CCBE1: variants seen among roughly 807,000 people sequenced by gnomAD.
CCBE1 encodes the protein collagen and calcium-binding EGF domain-containing protein 1.
A neutral mutation model predicts 50.0 loss-of-function variants in CCBE1; 37 were observed. The observed-to-expected ratio is 0.74, with a 90% CI of 0.57 to 0.97. CCBE1 has a LOEUF of 0.97. CCBE1 is among the 50% of genes least tolerant of loss of function. CCBE1 has a pLI of 0.00. For synonymous variants in CCBE1, 234 were observed against 203.7 expected, an observed-to-expected ratio of 1.15 and a Z score of -1.27; for missense variants, 538 against 523.8, an observed-to-expected ratio of 1.03 and a Z score of -0.26.
In CCBE1 at chr18:59,693,353, T is replaced by TC. The variant is rs1365902396; in HGVS notation, c.212+3275dup. Among the ~76,000 whole-genome samples, 245 of 152,218 alleles carry TC rather than the reference T, an allele frequency of 1.6e-3. 2 individuals carry two copies. The highest frequency in any genetic ancestry group is 5.7e-3 in the African/African-American group (236 of 41,548). On this transcript the variant is annotated intron_variant, in intron 2 of 10. Coordinates refer to ENST00000439986, the MANE Select transcript of CCBE1 (RefSeq NM_133459.4). ...TTTCATTTGTGACCAGCTTTCATGG[T>TC]CCCCCTTTTTTGTCCCCCAACTTGA...
At chr18:59,672,208 G>A (rs769992626) in intron 2 of CCBE1, among the ~76,000 whole-genome samples, 4 of 152,154 alleles carry the variant, frequency 2.6e-5, no homozygotes, top group Non-Finnish European at 5.9e-5. Context: ...TCACATGAAG[G>A]AGGATCATGA....
chr18:59,613,863 GTTTTTTTTTTT>G lies in CCBE1; in HGVS notation c.212+82755_212+82765del, dbSNP rs34847608. ...GCACAAAGATGTTTTTCTCTGATGG[GTTTTTTTTTTT>G]TTTTTTTTTTTTGGCAGGGGGAGAC... On this transcript the variant is annotated intron_variant, in intron 2 of 10. Coordinates refer to ENST00000439986, the MANE Select transcript of CCBE1 (RefSeq NM_133459.4). Among the ~76,000 whole-genome samples the G allele has an allele frequency of 7.4e-3, 726 of 98,464 alleles. 15 individuals carry two copies. The highest frequency in any genetic ancestry group is 0.058 in the East Asian group (185 of 3,164). 64.6% of individuals were successfully genotyped at this position (98,464 alleles called of 152,430 possible).
chr18:59,438,255 T>G, intron 9 of CCBE1, 109 bp from the exon 10 acceptor site: 1 of 1,003,316 alleles, frequency 1.0e-6, no homozygotes, highest in Non-Finnish European at 1.6e-6. Context: ...ACAATAAACA[T>G]TTTCTATAGA....
intron 2 of CCBE1, among the ~76,000 whole-genome samples, chr18:59,616,081 A>G (rs1220263025): frequency 2.0e-5 from 3 of 152,170 alleles, no homozygotes; most frequent in Non-Finnish European, 4.4e-5. Flanking sequence ...CCTGCTTAGC[A>G]TATTCTTGGG....
In CCBE1 at chr18:59,592,766, CT is replaced by C. The variant is rs35248437; in HGVS notation, c.212+103862del. Among the ~76,000 whole-genome samples the C allele has an allele frequency of 2.1e-3, 313 of 152,174 alleles. 3 individuals carry two copies. The East Asian group carries it at 0.031, about 15-fold the overall frequency. The stretch of plus-strand genomic sequence containing the variant: ...TCCATATAGTTTTGTTTAGTTTTGC[CT>C]TCTGGAACCATGTTAATGTTTCATG... On this transcript the variant is annotated intron_variant, in intron 2 of 10. Coordinates refer to ENST00000439986, the MANE Select transcript of CCBE1 (RefSeq NM_133459.4).
At position 59,606,696 on chromosome 18, in the gene CCBE1, G is replaced by A. The variant is rs77222760; in HGVS notation, c.212+89933C>T. ...TCTTGAATCTTTTGTTACCCCTGCT[G>A]TTTTAGAAGGAAAAAAAACAACCAA... On this transcript the variant is annotated intron_variant, in intron 2 of 10. Transcript: ENST00000439986. Among the ~76,000 whole-genome samples, 533 of 152,102 alleles carry A rather than the reference G, an allele frequency of 3.5e-3. 6 individuals are homozygous for A. The highest frequency in any genetic ancestry group is 0.012 in the African/African-American group (498 of 41,500).
intron 2 of CCBE1, among the ~76,000 whole-genome samples, chr18:59,541,458 T>C (rs571887774): frequency 6.6e-6 from 1 of 152,192 alleles, no homozygotes; most frequent in Non-Finnish European, 1.5e-5. Flanking sequence ...TCAAAATGGA[T>C]TCACTAAGGA....
chr18:59,574,107 G>C (rs1457962750), intron 2 of CCBE1, among the ~76,000 whole-genome samples: 1 of 152,180 alleles, frequency 6.6e-6, no homozygotes, highest in African/African-American at 2.4e-5. Context: ...CAGGTGCCCA[G>C]TAACTCCTGA....
intron 5 of CCBE1, among the ~76,000 whole-genome samples, chr18:59,460,955 A>AT (rs1911439321): frequency 6.7e-6 from 1 of 150,012 alleles, no homozygotes; most frequent in Non-Finnish European, 1.5e-5. Context: ...AAATAAATAA[A>AT]TAAATAAATA....
At chr18:59,522,760 C>T (rs1230166845) in intron 2 of CCBE1, among the ~76,000 whole-genome samples, 5 of 151,942 alleles carry the variant, frequency 3.3e-5, no homozygotes, top group African/African-American at 1.2e-4. Flanking sequence ...GAGGCCGAGG[C>T]GGGCGTATCA....
intron 2 of CCBE1, among the ~76,000 whole-genome samples, chr18:59,480,967 A>G (rs1263315637): frequency 6.6e-6 from 1 of 152,192 alleles, no homozygotes; most frequent in African/African-American, 2.4e-5. Context: ...CCACAACATA[A>G]CATGTACAAA....
At position 59,448,183 on chromosome 18, in the gene CCBE1, C is replaced by G; in HGVS notation, c.655-80G>C. ...GCATTTGTCTTGGTGGGAGAAGCTG[C>G]AAAGCCTTTTCATGAGACATATGTA... On this transcript the variant is annotated intron_variant, in intron 6 of 10. Coordinates refer to ENST00000439986, the MANE Select transcript of CCBE1 (RefSeq NM_133459.4). The G allele has an allele frequency of 2.5e-6, 4 of 1,593,104 alleles. No homozygotes were observed. The South Asian group carries it at 4.5e-5, about 18-fold the overall frequency.
intron 2 of CCBE1, among the ~76,000 whole-genome samples, chr18:59,664,113 T>TC (rs1372197780): frequency 1.3e-5 from 2 of 152,122 alleles, no homozygotes; most frequent in Non-Finnish European, 2.9e-5. Flanking sequence ...GAGGACCCTC[T>TC]CCCAGGTTGT....
chr18:59,530,574 C>T (rs904224946), intron 2 of CCBE1, among the ~76,000 whole-genome samples: 1 of 152,150 alleles, frequency 6.6e-6, no homozygotes, highest in Non-Finnish European at 1.5e-5. Context: ...GCACTCTTTC[C>T]CTCCTGTACA....
chr18:59,586,880 C>G (rs776348169), intron 2 of CCBE1, among the ~76,000 whole-genome samples: 1 of 152,188 alleles, frequency 6.6e-6, no homozygotes, highest in Non-Finnish European at 1.5e-5. Context: ...ATAAAGCATT[C>G]TGCAAAGTAC....
intron 2 of CCBE1, among the ~76,000 whole-genome samples, chr18:59,539,520 C>A (rs1220942632): frequency 1.3e-5 from 2 of 151,920 alleles, no homozygotes; most frequent in Non-Finnish European, 2.9e-5. Context: ...AAACAGGGCC[C>A]AAATTGCTCA....
chr18:59,557,437 G>C (rs1165303039), intron 2 of CCBE1, among the ~76,000 whole-genome samples: 1 of 152,032 alleles, frequency 6.6e-6, no homozygotes, highest in Non-Finnish European at 1.5e-5. Flanking sequence ...TGACTTCCTA[G>C]AACTGAGTCA....
At chr18:59,553,139 CA>C in intron 2 of CCBE1, among the ~76,000 whole-genome samples, 1 of 152,326 alleles carries the variant, frequency 6.6e-6, no homozygotes, top group African/African-American at 2.4e-5. Context: ...ATTAGGACAG[CA>C]AACCTCTGGC....
At chr18:59,669,151 T>C (rs1203025517) in intron 2 of CCBE1, among the ~76,000 whole-genome samples, 1 of 152,156 alleles carries the variant, frequency 6.6e-6, no homozygotes, top group Non-Finnish European at 1.5e-5. Context: ...AAGTCACTTA[T>C]AAAGATGAAG....
Sources: gnomAD v4.1 joint callset for allele counts (sites outside exome capture counted in the v4.1 genomes callset) on GRCh38, gnomAD v4.1.1 for gene constraint, MANE v1.5 for transcripts, NCBI Gene and HGNC (gene_info 2026-07-23, HGNC 2026-07-21) for gene names.